Variants in LINGO2 observed in about 807,000 individuals in gnomAD.
The protein encoded by LINGO2 is leucine-rich repeat and immunoglobulin-like domain-containing nogo receptor-interacting protein 2.
A neutral mutation model predicts 30.6 loss-of-function variants in LINGO2; 14 were observed. The ratio of observed to expected loss-of-function variants is 0.46; its 90% CI spans 0.30 to 0.72. The LOEUF is 0.72. LINGO2 is among the 30% of genes least tolerant of loss of function. The pLI is 0.07. For synonymous variants in LINGO2, 317 were observed against 288.5 expected (o/e 1.10, Z -1.00); for missense variants, 729 against 751.7 (o/e 0.97, Z 0.35).
intron 4 of LINGO2, among the ~76,000 whole-genome samples, chr9:28,262,901 C>T (rs1449062743): frequency 6.6e-6 from 1 of 151,978 alleles, no homozygotes; most frequent in African/African-American, 2.4e-5. Flanking sequence ...GGTAGACTAA[C>T]TGTATTGACT....
chr9:28,861,027 A>T, the LINGO2 span, among the ~76,000 whole-genome samples: 1 of 127,004 alleles, frequency 7.9e-6, no homozygotes, highest in Non-Finnish European at 1.6e-5. Context: ...TATATTATAT[A>T]ATACATATTA....
chr9:28,632,168 A>G (rs1443526052), intron 1 of LINGO2, among the ~76,000 whole-genome samples: 4 of 152,140 alleles, frequency 2.6e-5, no homozygotes, highest in Non-Finnish European at 5.9e-5. Flanking sequence ...AACACGTTCA[A>G]TGCATAGTTG....
the LINGO2 span, among the ~76,000 whole-genome samples, chr9:29,006,993 T>C: frequency 6.6e-6 from 1 of 152,130 alleles, no homozygotes; most frequent in African/African-American, 2.4e-5. Flanking sequence ...TCTGCAACTC[T>C]ATAGCATCTG....
the LINGO2 span, among the ~76,000 whole-genome samples, chr9:28,745,584 T>A: frequency 6.6e-6 from 1 of 152,092 alleles, no homozygotes. Flanking sequence ...ATTGTTTTGC[T>A]TACTTCATCA....
intron 4 of LINGO2, among the ~76,000 whole-genome samples, chr9:28,060,660 G>T (rs938814180): frequency 6.6e-6 from 1 of 152,138 alleles, no homozygotes; most frequent in Non-Finnish European, 1.5e-5. Flanking sequence ...TGCTCCATAT[G>T]TAGAGATGGT....
chr9:28,966,887 T>C, the LINGO2 span, among the ~76,000 whole-genome samples: 1 of 152,054 alleles, frequency 6.6e-6, no homozygotes, highest in African/African-American at 2.4e-5. Context: ...GGGGTACACT[T>C]TTAACTAATA....
chr9:28,428,266 T>C (rs1474894681), intron 2 of LINGO2, among the ~76,000 whole-genome samples: 1 of 152,132 alleles, frequency 6.6e-6, no homozygotes, highest in Non-Finnish European at 1.5e-5. Flanking sequence ...AACAAGGGTT[T>C]CTGATATTTG....
intron 4 of LINGO2, among the ~76,000 whole-genome samples, chr9:28,111,455 T>C (rs1826787202): frequency 6.6e-6 from 1 of 151,966 alleles, no homozygotes; most frequent in African/African-American, 2.4e-5. Context: ...GCGTTCCTCC[T>C]ATGTGAGTTT....
chr9:28,740,772 C>T, the LINGO2 span, among the ~76,000 whole-genome samples: 1 of 151,988 alleles, frequency 6.6e-6, no homozygotes, highest in Non-Finnish European at 1.5e-5. Flanking sequence ...TTAATACAAA[C>T]ATTACTTACA....
At chr9:29,026,850 C>T in the LINGO2 span, among the ~76,000 whole-genome samples, 1 of 152,054 alleles carries the variant, frequency 6.6e-6, no homozygotes, top group Non-Finnish European at 1.5e-5. Flanking sequence ...AGCTAAATTC[C>T]TCATTCTATA....
At chr9:28,213,432 T>C (rs1820661705) in intron 4 of LINGO2, among the ~76,000 whole-genome samples, 1 of 151,422 alleles carries the variant, frequency 6.6e-6, no homozygotes, top group African/African-American at 2.4e-5. Context: ...TTCAAGGAAA[T>C]AAACAGATAA....
chr9:28,396,129 G>A (rs1292416219), intron 2 of LINGO2, among the ~76,000 whole-genome samples: 1 of 152,054 alleles, frequency 6.6e-6, no homozygotes, highest in South Asian at 2.1e-4. Flanking sequence ...TTCCTCCCAC[G>A]AAATGTAGAA....
intron 3 of LINGO2, among the ~76,000 whole-genome samples, chr9:28,328,142 C>T (rs776127774): frequency 1.3e-5 from 2 of 152,118 alleles, no homozygotes; most frequent in African/African-American, 4.8e-5. Context: ...GAGGAAATCA[C>T]TAGGAAAAGA....
chr9:28,178,658 G>A (rs1260857941), intron 4 of LINGO2, among the ~76,000 whole-genome samples: 3 of 152,030 alleles, frequency 2.0e-5, no homozygotes, highest in Non-Finnish European at 2.9e-5. Context: ...TGAAAGTTAC[G>A]GTTTCTTTAG....
chr9:29,044,904 T>C, the LINGO2 span, among the ~76,000 whole-genome samples: 3 of 152,092 alleles, frequency 2.0e-5, no homozygotes, highest in Admixed American at 2.0e-4. Context: ...AATAATAAAA[T>C]GGAACAAGTA....
chr9:28,441,039 G>T (rs1824170368), intron 2 of LINGO2, among the ~76,000 whole-genome samples: 1 of 152,034 alleles, frequency 6.6e-6, no homozygotes, highest in Non-Finnish European at 1.5e-5. Flanking sequence ...TATATCAAGA[G>T]AAATCCACCC....
chr9:28,553,988 G>A (rs984401602), intron 1 of LINGO2, among the ~76,000 whole-genome samples: 2 of 152,018 alleles, frequency 1.3e-5, no homozygotes, highest in Non-Finnish European at 2.9e-5. Flanking sequence ...TAAAAGAGCT[G>A]CTGAAGGAAG....
chr9:29,057,284 A>C, the LINGO2 span, among the ~76,000 whole-genome samples: 1 of 152,100 alleles, frequency 6.6e-6, no homozygotes, highest in Non-Finnish European at 1.5e-5. Flanking sequence ...ATAAACTCTA[A>C]TTTTGATAAT....
the LINGO2 span, among the ~76,000 whole-genome samples, chr9:28,922,339 A>G: frequency 6.6e-6 from 1 of 152,140 alleles, no homozygotes; most frequent in South Asian, 2.1e-4. Context: ...ATGCATTGAT[A>G]AATTCGGAAG....
Sources: gnomAD v4.1 joint callset for allele counts (sites outside exome capture counted in the v4.1 genomes callset) on GRCh38, gnomAD v4.1.1 for gene constraint, MANE v1.5 for transcripts, NCBI Gene and HGNC (gene_info 2026-07-23, HGNC 2026-07-21) for gene names.